Variants in NCOA3 observed in about 807,000 individuals in gnomAD.
NCOA3 encodes CBP-interacting protein.
NCOA3 carries 51 observed loss-of-function variants against 158.8 expected under a neutral mutation model. The observed-to-expected ratio is 0.32, with a 90% confidence interval of 0.26 to 0.41. NCOA3 has a LOEUF of 0.41. NCOA3 is among the 10% of genes least tolerant of loss of function. NCOA3 has a pLI of 1.00. For missense variants in NCOA3, 1,510 were observed against 1,746.6 expected, an observed-to-expected ratio of 0.86 and a Z score of 2.41; for synonymous variants, 537 against 592.4, an observed-to-expected ratio of 0.91 and a Z score of 1.36.
At chr20:47,544,316 CTT>C (rs397866275) in intron 1 of NCOA3, among the ~76,000 whole-genome samples, 78 of 99,684 alleles carry the variant, frequency 7.8e-4, no homozygotes, top group African/African-American at 1.6e-3. Flanking sequence ...TTTAATACTA[CTT>C]TTTTTTTTTT....
rs373369458 is a variant in NCOA3 at position 47,507,947 on chromosome 20, C to T, written c.-99+5928C>T. ...AACTTTTAAAAAATAAATGAATATA[C>T]ATCATTTTAGTGTGAAATTTAAGTC... On this transcript the variant is annotated intron_variant, in intron 1 of 22. Transcript: ENST00000371998. Among the ~76,000 whole-genome samples the T allele has an allele frequency of 2.0e-5, 3 of 152,016 alleles. No individual in the cohort carries two copies. In the East Asian group the frequency reaches 5.8e-4, roughly 29 times the overall value.
chr20:47,540,490 T>A (rs775047939), intron 1 of NCOA3, among the ~76,000 whole-genome samples: 1 of 151,628 alleles, frequency 6.6e-6, no homozygotes, highest in African/African-American at 2.4e-5. Flanking sequence ...GAGAATCGGT[T>A]GAACCTAGGA....
At chr20:47,612,032 G>A (rs2086053786) in intron 2 of NCOA3, among the ~76,000 whole-genome samples, 1 of 152,124 alleles carries the variant, frequency 6.6e-6, no homozygotes, top group African/African-American at 2.4e-5. Context: ...TTGCCACTTT[G>A]CCCAGGCTGG....
intron 1 of NCOA3, among the ~76,000 whole-genome samples, chr20:47,519,478 C>G (rs6125039): frequency 6.6e-6 from 1 of 151,964 alleles, no homozygotes; most frequent in South Asian, 2.1e-4. Flanking sequence ...GGTAATTTAC[C>G]TACATTAGAT....
At chr20:47,598,047 C>T (rs2085791698) in intron 2 of NCOA3, among the ~76,000 whole-genome samples, 1 of 151,244 alleles carries the variant, frequency 6.6e-6, no homozygotes, top group Non-Finnish European at 1.5e-5. Context: ...AGATTGAGAC[C>T]ATCCTGGCTA....
At chr20:47,592,547 T>TA (rs1464741304) in intron 2 of NCOA3, among the ~76,000 whole-genome samples, 5 of 152,342 alleles carry the variant, frequency 3.3e-5, no homozygotes, top group African/African-American at 1.2e-4. Flanking sequence ...TTGGGGTTGA[T>TA]AGAGGCTTCA....
In NCOA3 at chr20:47,651,122, A is replaced by AGCAACAGCAG; in HGVS notation, c.3792_3793insGCAACAGCAG (p.Gln1265AlafsTer24). On this transcript the variant is annotated frameshift_variant, in exon 20 of 23. Transcript: ENST00000371998. LOFTEE classifies it high-confidence loss of function. ...AGCAGCAGCAGCAGCAGCAGCAGCAACAGCAACAGCAACAGCAACAGCAGC... is the reference window on the plus strand; with the variant it reads ...AGCAGCAGCAGCAGCAGCAGCAGCAAGCAACAGCAGCAGCAACAGCAACAGCAACAGCAGC... 2 of 1,547,532 alleles carry AGCAACAGCAG rather than the reference A, an allele frequency of 1.3e-6. No homozygotes were observed. Among genetic ancestry groups the AGCAACAGCAG allele is most frequent in the South Asian group, 2.3e-5 (2 of 87,064 alleles).
chr20:47,611,774 A>G (rs2086048053), intron 2 of NCOA3, among the ~76,000 whole-genome samples: 2 of 152,042 alleles, frequency 1.3e-5, no homozygotes, highest in South Asian at 2.1e-4. Context: ...CCTGGGTGAC[A>G]GAGCGAGACT....
At chr20:47,554,487 G>C (rs972521993) in intron 1 of NCOA3, among the ~76,000 whole-genome samples, 14 of 151,914 alleles carry the variant, frequency 9.2e-5, no homozygotes, top group Non-Finnish European at 1.8e-4. Context: ...ATCTCCTTAA[G>C]CTGATAAGCA....
At chr20:47,513,905 T>C (rs1051315610) in intron 1 of NCOA3, among the ~76,000 whole-genome samples, 1 of 151,990 alleles carries the variant, frequency 6.6e-6, no homozygotes, top group Non-Finnish European at 1.5e-5. Context: ...ATAAATATAT[T>C]ATACATCAAT....
chr20:47,527,330 T>C (rs778540707), intron 1 of NCOA3, among the ~76,000 whole-genome samples: 1 of 152,236 alleles, frequency 6.6e-6, no homozygotes, highest in Non-Finnish European at 1.5e-5. Context: ...GAATTTCATA[T>C]AAATCCCATG....
chr20:47,605,673 T>G (rs1185069670), intron 2 of NCOA3, among the ~76,000 whole-genome samples: 1 of 152,204 alleles, frequency 6.6e-6, no homozygotes, highest in African/African-American at 2.4e-5. Flanking sequence ...TTTCTTGTCC[T>G]GGAGCTCAGT....
Position 47,635,347 on chromosome 20 carries a change from C to A in NCOA3, c.1138C>A (p.Pro380Thr), listed in dbSNP as rs1329095833. Residue 380 changes from proline to threonine, a missense_variant, in exon 11 of 23, where the codon CCA (proline) becomes ACA (threonine). Pro to Thr is a conservative substitution (Grantham distance 38). Transcript: ENST00000371998. ...QREQNGYRPN[P>T]NPVGQGIRPP... is the part of the protein sequence containing the mutation. ...AGAACAGAATGGATATAGACCAAAC[C>A]CAAATCCTGTTGGACAAGGGATTAG... The A allele has an allele frequency of 3.1e-6, 5 of 1,605,040 alleles. No homozygotes were observed. Among genetic ancestry groups the A allele is most frequent in the Non-Finnish European group, 3.4e-6 (4 of 1,172,662 alleles).
intron 2 of NCOA3, among the ~76,000 whole-genome samples, chr20:47,608,640 CAAAAAAA>C (rs148545557): frequency 6.1e-5 from 6 of 98,678 alleles, no homozygotes; most frequent in African/African-American, 1.2e-4. Context: ...ACCCTGTCTC[CAAAAAAA>C]AAAAAAAAAA....
chr20:47,601,139 G>A (rs2085855499), intron 2 of NCOA3, among the ~76,000 whole-genome samples: 1 of 152,210 alleles, frequency 6.6e-6, no homozygotes, highest in South Asian at 2.1e-4. Flanking sequence ...TGAGGGCCTT[G>A]TGCCATGTCG....
intron 8 of NCOA3, 87 bp from the exon 9 acceptor site, chr20:47,633,409 T>C: frequency 8.0e-7 from 1 of 1,249,360 alleles, no homozygotes; most frequent in East Asian, 2.3e-5. Flanking sequence ...TCTTTTATTT[T>C]ATTCTCCAGT....
intron 10 of NCOA3, among the ~76,000 whole-genome samples, 192 bp from the exon 11 acceptor site, chr20:47,635,130 T>C (rs2086489549): frequency 6.6e-6 from 1 of 152,044 alleles, no homozygotes; most frequent in Admixed American, 6.6e-5. Flanking sequence ...GATCTTGCTG[T>C]GTTGCCCAGG....
intron 1 of NCOA3, among the ~76,000 whole-genome samples, chr20:47,519,029 A>C (rs1326120505): frequency 6.6e-6 from 1 of 151,878 alleles, no homozygotes; most frequent in East Asian, 1.9e-4. Context: ...CCAGCTACTC[A>C]GGAGGCCGAG....
chr20:47,559,767 C>T (rs561991231), intron 1 of NCOA3, among the ~76,000 whole-genome samples: 2 of 152,288 alleles, frequency 1.3e-5, no homozygotes, highest in South Asian at 4.1e-4. Context: ...TCTCCTGCCT[C>T]AGCCTCCCAG....
Sources: gnomAD v4.1 joint callset for allele counts (sites outside exome capture counted in the v4.1 genomes callset) on GRCh38, gnomAD v4.1.1 for gene constraint, MANE v1.5 for transcripts, NCBI Gene and HGNC (gene_info 2026-07-23, HGNC 2026-07-21) for gene names.